Variants in HNRNPA1 observed in about 807,000 individuals in gnomAD.
HNRNPA1 encodes heterogeneous nuclear ribonucleoprotein A1.
HNRNPA1 carries 7 observed loss-of-function variants against 44.4 expected under a neutral mutation model. The ratio of observed to expected loss-of-function variants is 0.16; its 90% CI spans 0.09 to 0.30. The LOEUF (loss-of-function observed/expected upper bound fraction) is 0.30. HNRNPA1 is among the 10% of genes least tolerant of loss of function. The pLI is 1.00. For synonymous variants in HNRNPA1, 169 were observed against 160.6 expected (o/e 1.05, Z -0.40); for missense variants, 193 against 465.8 (o/e 0.41, Z 5.39).
At chr12:54,281,175 G>C (rs1468240270) in intron 1 of HNRNPA1, 3 of 698,828 alleles carry the variant, frequency 4.3e-6, no homozygotes, top group South Asian at 3.0e-5. Context: ...CGCGTGCGTC[G>C]GAAGGCGACT....
In HNRNPA1 at chr12:54,282,642, G is replaced by A. The variant is rs758634121; in HGVS notation, c.653G>A (p.Arg218His). ...GGFGGNDNFG[R>H]GGNFSGRGGF... is the part of the protein sequence containing the mutation. ...TTCGGTGGGAATGACAACTTCGGTC[G>A]TGGAGGAAACTTCAGTGGTCGTGGT... Residue 218 changes from arginine to histidine, a missense_variant, in exon 6 of 11, where the codon CGT becomes CAT. Transcript: ENST00000340913. 8 of 1,613,634 alleles carry A rather than the reference G, an allele frequency of 5.0e-6. No individual in the cohort carries two copies. Among genetic ancestry groups the A allele is most frequent in the African/African-American group, 1.3e-5 (1 of 74,896 alleles).
intron 8 of HNRNPA1, 131 bp from the exon 9 acceptor site, chr12:54,283,681 G>A: frequency 1.1e-6 from 1 of 874,164 alleles, no homozygotes; most frequent in Non-Finnish European, 1.9e-6. Flanking sequence ...GAAATGCAAA[G>A]ATTGGAGTCA....
chr12:54,281,748 G>C (rs1443751931), intron 2 of HNRNPA1, 47 bp from the exon 3 acceptor site: 1 of 1,572,590 alleles, frequency 6.4e-7, no homozygotes, highest in Non-Finnish European at 8.6e-7. Context: ...AATGACAAAA[G>C]CTTTTGCGGT....
At chr12:54,284,081 T>C in intron 9 of HNRNPA1, 114 bp downstream of exon 9, 1 of 1,362,538 alleles carries the variant, frequency 7.3e-7, no homozygotes, top group African/African-American at 1.5e-5. Context: ...GTTTAGAACC[T>C]TCAGAAAGTG....
intron 7 of HNRNPA1, 95 bp downstream of exon 7, chr12:54,282,969 C>A (rs1944200668): frequency 3.4e-6 from 5 of 1,483,942 alleles, no homozygotes; most frequent in Non-Finnish European, 4.6e-6. Context: ...ATGTCAAACT[C>A]AACTTTGCCC....
At position 54,280,756 on chromosome 12, in the gene HNRNPA1, C is replaced by G; in HGVS notation, c.-52C>G. ...CGTTCGTCAGCTTGCTCCTTTCTGC[C>G]CGTGGACGCCGCCGAAGAAGCATCG... On this transcript the variant is annotated 5_prime_UTR_variant, in exon 1 of 11. Transcript: ENST00000340913. 1.2e-6 allele frequency: 2 copies of G among 1,611,618 alleles called. No individual in the cohort carries two copies. The highest frequency in any genetic ancestry group is 1.7e-6 in the Non-Finnish European group (2 of 1,177,786).
chr12:54,282,021 A>G (rs947163158), intron 3 of HNRNPA1, 69 bp from the exon 4 acceptor site: 19 of 1,599,042 alleles, frequency 1.2e-5, no homozygotes, highest in African/African-American at 2.7e-5. Flanking sequence ...GGAGTTTTCT[A>G]AACTTACCAA....
rs570505388 is a variant in HNRNPA1, at chr12:54,280,747, C to G, written c.-61C>G. ...TGGCAGATACGTTCGTCAGCTTGCT[C>G]CTTTCTGCCCGTGGACGCCGCCGAA... On this transcript the variant is annotated 5_prime_UTR_variant, in exon 1 of 11. Coordinates refer to ENST00000340913, the MANE Select transcript of HNRNPA1 (RefSeq NM_031157.4). The G allele has an allele frequency of 1.9e-6, 3 of 1,606,630 alleles. No individual in the cohort carries two copies. Among genetic ancestry groups the G allele is most frequent in the African/African-American group, 1.3e-5 (1 of 74,868 alleles).
intron 2 of HNRNPA1, 102 bp from the exon 3 acceptor site, chr12:54,281,693 A>G (rs561120900): frequency 7.7e-7 from 1 of 1,291,998 alleles, no homozygotes; most frequent in South Asian, 1.4e-5. Flanking sequence ...ACGACTTTTT[A>G]TAAAAGGCTG....
intron 4 of HNRNPA1, 36 bp downstream of exon 4, chr12:54,282,336 AC>A (rs1944186525): frequency 2.5e-6 from 4 of 1,611,716 alleles, no homozygotes; most frequent in Middle Eastern, 1.6e-4. Flanking sequence ...TAAGGGTTCC[AC>A]AATCTGTATG....
rs1944245459 is a variant in HNRNPA1, at chr12:54,285,232, TTTAA to T, written c.*691_*694del. ...ATTATCATGTGTAATCAATAAACGATTTAATTCTCTTGAATGAAATGACAACTGT... is the reference window on the plus strand; with the variant it reads ...ATTATCATGTGTAATCAATAAACGATTTCTCTTGAATGAAATGACAACTGT... On this transcript the variant is annotated 3_prime_UTR_variant, in exon 11 of 11. Transcript: ENST00000340913. The T allele has an allele frequency of 6.5e-6, 1 of 152,772 alleles. No individual in the cohort carries two copies. The highest frequency in any genetic ancestry group is 1.5e-5 in the Non-Finnish European group (1 of 68,222). 9.5% of individuals were successfully genotyped at this position (152,772 alleles called of 1,614,324 possible).
rs1200997120 is a variant in HNRNPA1, at chr12:54,283,852, G to T, written c.948G>T (p.Gly316=). ...FGGGGSYNDF[G]NYNNQSSNFG... ...GTGGTGGAAGCTACAATGATTTTGG[G>T]AATTACAACAATCAGTCTTCAAATT... The change falls in exon 9 of 11, where the codon GGG becomes GGT. Residue 316 remains glycine (G), a synonymous_variant. Coordinates refer to ENST00000340913, the MANE Select transcript of HNRNPA1 (RefSeq NM_031157.4). The T allele has an allele frequency of 2.2e-5, 35 of 1,613,854 alleles. No homozygotes were observed. Among genetic ancestry groups the T allele is most frequent in the Non-Finnish European group, 2.5e-5 (30 of 1,179,974 alleles).
intron 1 of HNRNPA1, 158 bp from the exon 2 acceptor site, chr12:54,281,228 G>T: frequency 1.4e-6 from 1 of 711,176 alleles, no homozygotes. Flanking sequence ...CCCAACTCCA[G>T]CATACGGCCT....
chr12:54,284,504 C>A, intron 10 of HNRNPA1, 45 bp from the exon 11 acceptor site: 1 of 723,060 alleles, frequency 1.4e-6, no homozygotes. Flanking sequence ...AGCCTTGAGT[C>A]TTAATATGTT....
At position 54,281,634 on chromosome 12, in the gene HNRNPA1, G is replaced by A. The variant is rs1944172786; in HGVS notation, c.132+132G>A. 1.1e-5 allele frequency: 11 copies of A among 1,012,506 alleles called. No individual in the cohort carries two copies. The South Asian group carries it at 1.6e-4, about 14-fold the overall frequency. 62.7% of individuals were successfully genotyped at this position (1,012,506 alleles called of 1,614,324 possible). On this transcript the variant is annotated intron_variant, in intron 2 of 10. Coordinates refer to ENST00000340913, the MANE Select transcript of HNRNPA1 (RefSeq NM_031157.4). ...AGCTTTGTTGGCAAAGGAACGTCCTGCTTTGATTTTAAAAGCTACCTCTTA... is the reference window on the plus strand; with the variant it reads ...AGCTTTGTTGGCAAAGGAACGTCCTACTTTGATTTTAAAAGCTACCTCTTA...
At chr12:54,281,136 A>C (rs1413415827) in intron 1 of HNRNPA1, 1 of 699,738 alleles carries the variant, frequency 1.4e-6, no homozygotes, top group Non-Finnish European at 2.6e-6. Flanking sequence ...CATTGTGGAG[A>C]TGCACCCCTA....
At chr12:54,281,110 A>G (rs1944155406) in intron 1 of HNRNPA1, 5 of 700,162 alleles carry the variant, frequency 7.1e-6, no homozygotes, top group Non-Finnish European at 1.3e-5. Context: ...CGAGTTTTCT[A>G]AAGAGCGATT....
intron 3 of HNRNPA1, 48 bp downstream of exon 3, chr12:54,281,989 G>T: frequency 6.2e-7 from 1 of 1,607,634 alleles, no homozygotes; most frequent in Non-Finnish European, 8.5e-7. Flanking sequence ...TTGGATATGT[G>T]CTGCTATGGA....
rs1244885567 is a variant in HNRNPA1, at chr12:54,280,734, T to G, written c.-74T>G. On this transcript the variant is annotated 5_prime_UTR_variant, in exon 1 of 11. Coordinates refer to ENST00000340913, the MANE Select transcript of HNRNPA1 (RefSeq NM_031157.4). Reference sequence around the variant, plus strand: ...GGCGAAGGTAGGCTGGCAGATACGTTCGTCAGCTTGCTCCTTTCTGCCCGT... The same window carrying G: ...GGCGAAGGTAGGCTGGCAGATACGTGCGTCAGCTTGCTCCTTTCTGCCCGT... 6 of 1,565,578 alleles carry G rather than the reference T, an allele frequency of 3.8e-6. No individual in the cohort carries two copies. Among genetic ancestry groups the G allele is most frequent in the Non-Finnish European group, 3.5e-6 (4 of 1,136,194 alleles).
Sources: gnomAD v4.1 joint callset for allele counts on GRCh38, gnomAD v4.1.1 for gene constraint, MANE v1.5 for transcripts, NCBI Gene and HGNC (gene_info 2026-07-23, HGNC 2026-07-21) for gene names.